The following CCDC141 variants were observed in gnomAD, a reference collection of about 807,000 sequenced individuals.
CCDC141 encodes the protein coiled-coil domain-containing protein 141.
A neutral mutation model predicts 181.0 loss-of-function variants in CCDC141; 168 were observed. The observed-to-expected ratio is 0.93, with a 90% CI of 0.82 to 1.05. The LOEUF (loss-of-function observed/expected upper bound fraction) is 1.05. Ranked by LOEUF, CCDC141 falls within the 50% of genes least tolerant of loss-of-function variation. The pLI, the probability that CCDC141 is intolerant of heterozygous loss-of-function variation, is 0.00. For missense variants in CCDC141, 1,902 were observed against 1,788.5 expected, an observed-to-expected ratio of 1.06 and a Z score of -1.14; for synonymous variants, 666 against 642.3, an observed-to-expected ratio of 1.04 and a Z score of -0.56.
intron 2 of CCDC141, among the ~76,000 whole-genome samples, chr2:179,034,599 G>A (rs2043088111): frequency 6.6e-6 from 1 of 152,182 alleles, no homozygotes; most frequent in Admixed American, 6.5e-5. Context: ...TCCTGGAGGT[G>A]AAGCTAGTAG....
chr2:178,951,501 G>A (rs1179143098), intron 5 of CCDC141, among the ~76,000 whole-genome samples: 1 of 152,192 alleles, frequency 6.6e-6, no homozygotes, highest in East Asian at 1.9e-4. Context: ...TTTAAAAGAT[G>A]TCTTAATCTT....
At chr2:179,009,754 C>A (rs2042215147) in intron 2 of CCDC141, among the ~76,000 whole-genome samples, 1 of 151,718 alleles carries the variant, frequency 6.6e-6, no homozygotes, top group South Asian at 2.1e-4. Flanking sequence ...GGTTGGCCTC[C>A]CCAAAAAATC....
At chr2:179,046,622 A>G (rs2043506719) in intron 2 of CCDC141, among the ~76,000 whole-genome samples, 1 of 152,188 alleles carries the variant, frequency 6.6e-6, no homozygotes, top group African/African-American at 2.4e-5. Flanking sequence ...TGAATAAAAA[A>G]CACCATGATG....
intron 6 of CCDC141, among the ~76,000 whole-genome samples, chr2:178,926,280 T>C (rs1214889039): frequency 1.3e-5 from 2 of 152,190 alleles, no homozygotes; most frequent in African/African-American, 4.8e-5. Context: ...ATAGGTAATA[T>C]TTGATTTAGA....
intron 2 of CCDC141, among the ~76,000 whole-genome samples, chr2:179,035,019 A>T (rs2043102976): frequency 6.6e-6 from 1 of 152,152 alleles, no homozygotes; most frequent in Admixed American, 6.5e-5. Flanking sequence ...CAGTTCAAAT[A>T]TCAGTTTTTC....
intron 2 of CCDC141, among the ~76,000 whole-genome samples, chr2:178,993,780 C>A (rs1358266385): frequency 6.6e-6 from 1 of 152,156 alleles, no homozygotes; most frequent in African/African-American, 2.4e-5. Flanking sequence ...TTCCTAGATA[C>A]AATGGGAGTA....
chr2:178,862,291 A>G (rs780396445), intron 17 of CCDC141, among the ~76,000 whole-genome samples: 1 of 152,224 alleles, frequency 6.6e-6, no homozygotes, highest in African/African-American at 2.4e-5. Context: ...TCTATGTGGA[A>G]AACTTGAGAA....
chr2:178,921,154 C>A (rs1336106589), intron 6 of CCDC141, among the ~76,000 whole-genome samples: 1 of 152,202 alleles, frequency 6.6e-6, no homozygotes, highest in East Asian at 1.9e-4. Flanking sequence ...TGGATATGGG[C>A]TACGTGAGTT....
intron 2 of CCDC141, among the ~76,000 whole-genome samples, chr2:178,983,381 A>C (rs1691540795): frequency 6.6e-6 from 1 of 152,220 alleles, no homozygotes; most frequent in South Asian, 2.1e-4. Context: ...AGAACAGAAA[A>C]ACTAGAAACT....
intron 4 of CCDC141, 29 bp downstream of exon 4, chr2:178,975,028 C>T (rs1303785297): frequency 8.6e-7 from 1 of 1,164,796 alleles, no homozygotes; most frequent in Non-Finnish European, 1.2e-6. Flanking sequence ...CCTCTAAACA[C>T]TTCTGTGAGA....
intron 12 of CCDC141, chr2:178,874,568 A>T (rs1459341560): frequency 6.6e-6 from 1 of 152,252 alleles, no homozygotes; most frequent in Non-Finnish European, 1.5e-5. Flanking sequence ...AGAATGGGGT[A>T]GCCAGTGGCA....
chr2:179,042,554 G>C (rs2043341137), intron 2 of CCDC141, among the ~76,000 whole-genome samples: 2 of 152,102 alleles, frequency 1.3e-5, no homozygotes, highest in African/African-American at 4.8e-5. Flanking sequence ...CACCATGTTA[G>C]CCAGGCTGGT....
At chr2:179,018,439 T>C (rs970650253) in intron 2 of CCDC141, among the ~76,000 whole-genome samples, 2 of 152,154 alleles carry the variant, frequency 1.3e-5, no homozygotes, top group African/African-American at 2.4e-5. Context: ...TTTAAAAACT[T>C]GGGGAACAGT....
intron 5 of CCDC141, among the ~76,000 whole-genome samples, chr2:178,952,467 C>T (rs193188972): frequency 3.3e-5 from 5 of 152,322 alleles, no homozygotes; most frequent in African/African-American, 1.2e-4. Context: ...GGCCAAGTAA[C>T]TGGCCCCAAA....
chr2:178,883,208 T>C (rs775020543), intron 11 of CCDC141, among the ~76,000 whole-genome samples: 3 of 152,210 alleles, frequency 2.0e-5, no homozygotes, highest in Admixed American at 1.3e-4. Flanking sequence ...TCCTGCATTA[T>C]AATATTCATC....
chr2:178,985,959 T>C (rs1691709960), intron 2 of CCDC141, among the ~76,000 whole-genome samples: 1 of 152,122 alleles, frequency 6.6e-6, no homozygotes, highest in South Asian at 2.1e-4. Flanking sequence ...CCACCCTAAC[T>C]CATTTTATGA....
At chr2:178,866,829 G>T (rs973199554) in intron 16 of CCDC141, among the ~76,000 whole-genome samples, 5 of 152,044 alleles carry the variant, frequency 3.3e-5, no homozygotes, top group African/African-American at 9.7e-5. Context: ...GGGTTCAAGC[G>T]ATTCTTCTGC....
At chr2:178,979,012 C>T (rs959890252) in intron 2 of CCDC141, among the ~76,000 whole-genome samples, 5 of 152,114 alleles carry the variant, frequency 3.3e-5, no homozygotes, top group African/African-American at 1.2e-4. Context: ...AATAAGAACA[C>T]ACCCTGAAGA....
In CCDC141 at chr2:178,849,510, G is replaced by A. The variant is rs146574284; in HGVS notation, c.3357+539C>T. 3.5e-3 allele frequency among the ~76,000 whole-genome samples: 528 copies of A among 152,236 alleles called. 1 individual carries two copies. Among genetic ancestry groups the A allele is most frequent in the African/African-American group, 0.012 (505 of 41,540 alleles). ...ACATGACATTGACAAAGAAACATAT[G>A]TATTTCACTTTAACTGGTTTTGCTT... On this transcript the variant is annotated intron_variant, in intron 21 of 23. Transcript: ENST00000443758.
Sources: allele counts gnomAD v4.1 joint callset (sites outside exome capture counted in the v4.1 genomes callset), GRCh38; gene constraint gnomAD v4.1.1; transcripts MANE v1.5; gene names NCBI Gene and HGNC (gene_info 2026-07-23, HGNC 2026-07-21).